Variants in MFSD11 observed in about 807,000 individuals in gnomAD.
MFSD11 encodes major facilitator superfamily domain containing 11, also known as UNC93-like protein MFSD11.
Under a neutral mutation model 53.5 loss-of-function variants are expected in MFSD11, and 36 were observed. The ratio of observed to expected loss-of-function variants is 0.67; its 90% confidence interval spans 0.52 to 0.89. The LOEUF (loss-of-function observed/expected upper bound fraction) is 0.89. Among genes scored for constraint, MFSD11 ranks in the 40% least tolerant of loss-of-function variants. The pLI is 0.00. For missense variants in MFSD11, 530 were observed against 543.9 expected (o/e 0.97, Z 0.25); for synonymous variants, 186 against 184.9 (o/e 1.01, Z -0.05).
At chr17:76,764,112 G>A (rs553981012) in intron 8 of MFSD11, among the ~76,000 whole-genome samples, 1 of 152,264 alleles carries the variant, frequency 6.6e-6, no homozygotes, top group South Asian at 2.1e-4. Context: ...CAATTCGCCT[G>A]CCTCCCGAAG....
chr17:76,738,279 C>G lies in MFSD11; in HGVS notation c.-74C>G. The G allele has an allele frequency of 1.0e-6, 1 of 954,526 alleles. No individual in the cohort carries two copies. The highest frequency in any genetic ancestry group is 1.4e-5 in the South Asian group (1 of 73,416). The allele number at this position is 954,526 out of a possible 1,614,324, so 59.1% of individuals were successfully genotyped here. ...CCACTCACCATCTCATTTCTTTCTCCAGGATTGTCAGTGGCTTCGCCCCGA... is the reference window on the plus strand; with the variant it reads ...CCACTCACCATCTCATTTCTTTCTCGAGGATTGTCAGTGGCTTCGCCCCGA... On this transcript the variant is annotated 5_prime_UTR_variant, in exon 1 of 13. Coordinates refer to ENST00000685175, the MANE Select transcript of MFSD11 (RefSeq NM_001242532.5).
the MFSD11 span, among the ~76,000 whole-genome samples, chr17:76,794,409 G>A: frequency 6.7e-6 from 1 of 149,184 alleles, no homozygotes; most frequent in Non-Finnish European, 1.5e-5. Context: ...CCCAGGAGGT[G>A]GAGGTTGCAG....
the MFSD11 span, among the ~76,000 whole-genome samples, chr17:76,798,802 A>T: frequency 6.6e-6 from 1 of 151,962 alleles, no homozygotes; most frequent in East Asian, 1.9e-4. Flanking sequence ...CTGAGGCAGG[A>T]GGATCACCTG....
intron 8 of MFSD11, among the ~76,000 whole-genome samples, chr17:76,758,844 A>AC (rs1287672859): frequency 6.6e-6 from 1 of 151,728 alleles, no homozygotes; most frequent in East Asian, 1.9e-4. Context: ...ACACACCCCT[A>AC]CCCCCCACAC....
chr17:76,743,837 A>C (rs1337872115), intron 6 of MFSD11, among the ~76,000 whole-genome samples: 1 of 151,346 alleles, frequency 6.6e-6, no homozygotes, highest in African/African-American at 2.4e-5. Flanking sequence ...CTGGTCTCAA[A>C]CTCCTGACCT....
downstream of MFSD11, among the ~76,000 whole-genome samples, chr17:76,779,914 A>C (rs1360082405): frequency 6.6e-6 from 1 of 152,160 alleles, no homozygotes; most frequent in Non-Finnish European, 1.5e-5. Context: ...CCCCCAAACA[A>C]ACCTGGAATG....
chr17:76,769,994 C>T (rs1568105782), intron 10 of MFSD11, 123 bp downstream of exon 10: 9 of 837,182 alleles, frequency 1.1e-5, no homozygotes, highest in South Asian at 3.5e-5. Context: ...TTTACCCAAA[C>T]GTGTGTTTTT....
the MFSD11 span, among the ~76,000 whole-genome samples, chr17:76,798,344 C>T: frequency 6.6e-6 from 1 of 152,184 alleles, no homozygotes; most frequent in Non-Finnish European, 1.5e-5. Flanking sequence ...CATGTATTCA[C>T]CAACCTCGAA....
intron 2 of MFSD11, among the ~76,000 whole-genome samples, chr17:76,739,849 T>G (rs1040603227): frequency 2.6e-5 from 4 of 152,196 alleles, no homozygotes; most frequent in Non-Finnish European, 5.9e-5. Flanking sequence ...CTTTTTCTAC[T>G]TTTTTGTCTT....
chr17:76,789,307 A>G, the MFSD11 span, among the ~76,000 whole-genome samples: 109 of 149,740 alleles, frequency 7.3e-4, 8 homozygotes, highest in African/African-American at 2.6e-3. Context: ...TTCTTCCCTT[A>G]ATTTTCCCCT....
At chr17:76,790,164 C>T in the MFSD11 span, among the ~76,000 whole-genome samples, 6 of 146,046 alleles carry the variant, frequency 4.1e-5, 1 homozygote, top group Non-Finnish European at 7.6e-5. Context: ...TCACTGCAAC[C>T]TCTGCCTCCT....
At chr17:76,802,062 A>G in the MFSD11 span, among the ~76,000 whole-genome samples, 7 of 151,948 alleles carry the variant, frequency 4.6e-5, no homozygotes, top group Non-Finnish European at 1.0e-4. Flanking sequence ...TTAGGTCAGG[A>G]GTTCAAGACC....
chr17:76,736,864 G>A, upstream of MFSD11: 2 of 1,610,098 alleles, frequency 1.2e-6, no homozygotes, highest in Non-Finnish European at 1.7e-6. Flanking sequence ...GGCGGCTGTG[G>A]TGTGAGTCCG....
chr17:76,792,183 A>AT, the MFSD11 span, among the ~76,000 whole-genome samples: 1 of 148,376 alleles, frequency 6.7e-6, no homozygotes, highest in Non-Finnish European at 1.5e-5. Flanking sequence ...CAGTGGCACT[A>AT]TCTTGGCTCA....
At chr17:76,761,864 T>A (rs980169664) in intron 8 of MFSD11, among the ~76,000 whole-genome samples, 4 of 149,746 alleles carry the variant, frequency 2.7e-5, no homozygotes, top group Non-Finnish European at 5.9e-5. Context: ...GAGCTTGCAG[T>A]GAGCCGAGAT....
intron 8 of MFSD11, among the ~76,000 whole-genome samples, chr17:76,761,923 A>G (rs2080290781): frequency 6.6e-6 from 1 of 151,674 alleles, no homozygotes; most frequent in Non-Finnish European, 1.5e-5. Flanking sequence ...TCCGTCTCAA[A>G]AAAAAAAAAA....
downstream of MFSD11, among the ~76,000 whole-genome samples, chr17:76,784,141 T>G (rs1353415492): frequency 1.3e-5 from 2 of 152,134 alleles, no homozygotes; most frequent in African/African-American, 2.4e-5. Context: ...ATAAAAGAGT[T>G]AAAAGCAGAC....
chr17:76,756,262 A>G (rs1230199768), intron 8 of MFSD11, among the ~76,000 whole-genome samples: 3 of 151,390 alleles, frequency 2.0e-5, no homozygotes, highest in African/African-American at 7.3e-5. Context: ...AACTGGGACT[A>G]CAGGCACGTG....
intron 5 of MFSD11, 24 bp from the exon 6 acceptor site, chr17:76,743,374 C>G: frequency 1.3e-6 from 2 of 1,487,208 alleles, no homozygotes; most frequent in Non-Finnish European, 9.2e-7. Context: ...ACCCAACATC[C>G]TATCCTCCCT....
Sources: gnomAD v4.1 joint callset for allele counts (sites outside exome capture counted in the v4.1 genomes callset) on GRCh38, gnomAD v4.1.1 for gene constraint, MANE v1.5 for transcripts, NCBI Gene and HGNC (gene_info 2026-07-23, HGNC 2026-07-21) for gene names.